IER3IP1: variants seen among roughly 807,000 people sequenced by gnomAD.
IER3IP1 encodes immediate early response 3-interacting protein 1.
Under a neutral mutation model 12.2 loss-of-function variants are expected in IER3IP1, and 16 were observed. That is an observed-to-expected ratio of 1.31 (90% CI 0.89 to 1.99). The LOEUF is 1.99. IER3IP1 is among the 30% of genes most tolerant of loss of function. The pLI is 0.00. For synonymous variants in IER3IP1, 42 were observed against 40.0 expected (o/e 1.05, Z -0.19); for missense variants, 95 against 95.8 (o/e 0.99, Z 0.03).
chr18:47,168,887 T>C (rs539483348), intron 1 of IER3IP1, among the ~76,000 whole-genome samples: 116 of 152,168 alleles, frequency 7.6e-4, no homozygotes, highest in Non-Finnish European at 1.3e-3. Context: ...AAACTTCCTA[T>C]TTTCAGGTAA....
intron 1 of IER3IP1, among the ~76,000 whole-genome samples, chr18:47,174,394 G>GT (rs1600004178): frequency 6.6e-6 from 1 of 152,146 alleles, no homozygotes; most frequent in African/African-American, 2.4e-5. Flanking sequence ...ATACCCACTT[G>GT]TATCTACTTG....
chr18:47,162,888 A>G (rs1280127251), intron 1 of IER3IP1, among the ~76,000 whole-genome samples: 1 of 152,110 alleles, frequency 6.6e-6, no homozygotes, highest in East Asian at 1.9e-4. Flanking sequence ...ATAAGAATAA[A>G]AGTCATTTTT....
chr18:47,174,068 A>C (rs1321141149), intron 1 of IER3IP1, among the ~76,000 whole-genome samples: 1 of 152,190 alleles, frequency 6.6e-6, no homozygotes, highest in African/African-American at 2.4e-5. Flanking sequence ...ATAGGTATCA[A>C]GGGTTGGGAC....
intron 1 of IER3IP1, among the ~76,000 whole-genome samples, chr18:47,170,295 T>C (rs921541333): frequency 6.6e-6 from 1 of 152,088 alleles, no homozygotes; most frequent in Non-Finnish European, 1.5e-5. Context: ...CATCCTGTTT[T>C]GATTATTGGA....
At chr18:47,157,987 A>G (rs2063966985) in intron 1 of IER3IP1, among the ~76,000 whole-genome samples, 1 of 152,234 alleles carries the variant, frequency 6.6e-6, no homozygotes, top group Non-Finnish European at 1.5e-5. Flanking sequence ...ATCACTGTCT[A>G]CATTACTTGG....
chr18:47,170,128 T>G (rs1416909297), intron 1 of IER3IP1, among the ~76,000 whole-genome samples: 2 of 152,114 alleles, frequency 1.3e-5, no homozygotes, highest in Non-Finnish European at 2.9e-5. Flanking sequence ...GGAGTCCAAT[T>G]TTACTTTTTT....
In IER3IP1 at chr18:47,156,088, CAGCT is replaced by C. The variant is rs141895318; in HGVS notation, c.*85_*88del. On this transcript the variant is annotated 3_prime_UTR_variant, in exon 3 of 3. Transcript: ENST00000256433. Reference sequence around the variant, plus strand: ...CATTTTTGACAAGTGCAAGGTCAGCCAGCTAAGATATAAATATTCCAATAATGAC... The same window carrying C: ...CATTTTTGACAAGTGCAAGGTCAGCCAAGATATAAATATTCCAATAATGAC... 0.014 allele frequency: 12,229 copies of C among 845,674 alleles called. 125 individuals are homozygous for C. Among genetic ancestry groups the C allele is most frequent in the Non-Finnish European group, 0.019 (9,472 of 496,868 alleles). The allele number at this position is 845,674 out of a possible 1,614,324, so 52.4% of individuals were successfully genotyped here. A position where few individuals can be genotyped will look rare whatever the true frequency, so the allele number is the denominator to read the frequency against.
intron 1 of IER3IP1, among the ~76,000 whole-genome samples, chr18:47,162,417 ACT>A (rs34723172): frequency 0.45 from 67,703 of 151,864 alleles, 15,195 homozygotes; most frequent in Middle Eastern, 0.56. Context: ...AGAAATGGAG[ACT>A]CTAAGGAAGA....
chr18:47,162,031 A>G (rs551787553), intron 1 of IER3IP1, among the ~76,000 whole-genome samples: 1 of 152,072 alleles, frequency 6.6e-6, no homozygotes, highest in Admixed American at 6.6e-5. Context: ...CTCAGGCACT[A>G]ATGTGGGCCA....
intron 1 of IER3IP1, among the ~76,000 whole-genome samples, chr18:47,159,535 C>A (rs1427552872): frequency 6.6e-6 from 1 of 151,766 alleles, no homozygotes; most frequent in African/African-American, 2.4e-5. Flanking sequence ...TCCAGTATTG[C>A]AAATGATGTA....
At chr18:47,168,824 A>G (rs2064005713) in intron 1 of IER3IP1, among the ~76,000 whole-genome samples, 1 of 152,224 alleles carries the variant, frequency 6.6e-6, no homozygotes, top group South Asian at 2.1e-4. Context: ...GGTTGTGCCA[A>G]TTTATACTTC....
rs183382447 is a variant in IER3IP1, at chr18:47,155,251, G to A, written c.*926C>T. 6.6e-6 allele frequency: 1 copy of A among 152,238 alleles called. No individual in the cohort carries two copies. The highest frequency in any genetic ancestry group is 6.5e-5 in the Admixed American group (1 of 15,292). 9.4% of individuals were successfully genotyped at this position (152,238 alleles called of 1,614,324 possible). On this transcript the variant is annotated 3_prime_UTR_variant, in exon 3 of 3. Transcript: ENST00000256433. ...AAAAGACAACCTATCCAGCATCAATGTCCTATTGACAAACTCAATGAAGAA... is the reference window on the plus strand; with the variant it reads ...AAAAGACAACCTATCCAGCATCAATATCCTATTGACAAACTCAATGAAGAA...
At position 47,154,688 on chromosome 18, in the gene IER3IP1, G is replaced by C. The variant is rs560457892; in HGVS notation, c.*1489C>G. On this transcript the variant is annotated 3_prime_UTR_variant, in exon 3 of 3. Coordinates refer to ENST00000256433, the MANE Select transcript of IER3IP1 (RefSeq NM_016097.5). The stretch of plus-strand genomic sequence containing the variant: ...TAAGTACCAAATTAGTCATTCACAT[G>C]AGCCAAGTAATCAACTAAGAATCCT... 6.6e-6 allele frequency: 1 copy of C among 152,234 alleles called. No homozygotes were observed. The highest frequency in any genetic ancestry group is 2.1e-4 in the South Asian group (1 of 4,826). 9.4% of individuals were successfully genotyped at this position (152,234 alleles called of 1,614,324 possible).
chr18:47,160,139 G>A (rs1369816354), intron 1 of IER3IP1, among the ~76,000 whole-genome samples: 3 of 151,172 alleles, frequency 2.0e-5, no homozygotes, highest in Non-Finnish European at 4.4e-5. Context: ...AGGTTGTGGT[G>A]AGCCGAGACC....
chr18:47,166,795 C>T (rs1184940882), intron 1 of IER3IP1, among the ~76,000 whole-genome samples: 1 of 152,094 alleles, frequency 6.6e-6, no homozygotes, highest in Non-Finnish European at 1.5e-5. Flanking sequence ...AACAAGAAAG[C>T]ACCTATATAA....
chr18:47,164,766 A>C (rs2144430890), intron 1 of IER3IP1, among the ~76,000 whole-genome samples: 1 of 149,044 alleles, frequency 6.7e-6, no homozygotes, highest in East Asian at 2.0e-4. Context: ...TGGGTGCCAG[A>C]GACCCTCTTT....
intron 1 of IER3IP1, among the ~76,000 whole-genome samples, chr18:47,167,835 A>G (rs1214969307): frequency 2.0e-5 from 3 of 152,122 alleles, no homozygotes; most frequent in Non-Finnish European, 4.4e-5. Context: ...GTTCTAAAAC[A>G]TATCCCAGTT....
chr18:47,158,557 G>T (rs1253715677), intron 1 of IER3IP1, among the ~76,000 whole-genome samples: 3 of 151,694 alleles, frequency 2.0e-5, no homozygotes, highest in Non-Finnish European at 4.4e-5. Flanking sequence ...ACCCAGGCTG[G>T]TCTTGAACTC....
Position 47,154,775 on chromosome 18 carries a change from G to A in IER3IP1, c.*1402C>T, listed in dbSNP as rs1033423220. On this transcript the variant is annotated 3_prime_UTR_variant, in exon 3 of 3. Coordinates refer to ENST00000256433, the MANE Select transcript of IER3IP1 (RefSeq NM_016097.5). ...CAAAGATCACTGATCTCTAACTTAG[G>A]AAAGGCCAAAAGGTACTTAATACCT... The A allele has an allele frequency of 6.6e-6, 1 of 152,108 alleles. No individual in the cohort carries two copies. Among genetic ancestry groups the A allele is most frequent in the Non-Finnish European group, 1.5e-5 (1 of 68,012 alleles). The allele number at this position is 152,108 out of a possible 1,614,324, so 9.4% of individuals were successfully genotyped here.
Sources: gnomAD v4.1 joint callset for allele counts (sites outside exome capture counted in the v4.1 genomes callset) on GRCh38, gnomAD v4.1.1 for gene constraint, MANE v1.5 for transcripts, NCBI Gene and HGNC (gene_info 2026-07-23, HGNC 2026-07-21) for gene names.